Variants in SARAF observed in about 807,000 individuals in gnomAD.
SARAF encodes store-operated calcium entry-associated regulatory factor.
In SARAF, 23 loss-of-function variants were observed where a neutral mutation model predicts 39.7. The observed-to-expected ratio is 0.58, with a 90% CI of 0.42 to 0.82. SARAF has a LOEUF of 0.82. Ranked by LOEUF, SARAF falls within the 40% of genes least tolerant of loss-of-function variation. SARAF has a pLI of 0.00. For missense variants in SARAF, 384 were observed against 418.5 expected, an observed-to-expected ratio of 0.92 and a Z score of 0.72; for synonymous variants, 175 against 168.5, an observed-to-expected ratio of 1.04 and a Z score of -0.30.
At position 30,064,564 on chromosome 8, in the gene SARAF, T is replaced by TTTTTATTTTTTTA. The variant is rs1801638851; in HGVS notation, c.995-652_995-651insTAAAAAAATAAAA. Among the ~76,000 whole-genome samples the TTTTTATTTTTTTA allele has an allele frequency of 5.0e-5, 5 of 99,422 alleles. 1 individual carries two copies. Among genetic ancestry groups the TTTTTATTTTTTTA allele is most frequent in the Non-Finnish European group, 4.1e-5 (2 of 49,252 alleles). 65.2% of individuals were successfully genotyped at this position (99,422 alleles called of 152,430 possible). A position where few individuals can be genotyped will look rare whatever the true frequency, so the allele number is the denominator to read the frequency against. ...ATATATATATATATATATATATATTTTTTTTTTTTTTTTTTGAGACAGAGT... is the reference window on the plus strand; with the variant it reads ...ATATATATATATATATATATATATTTTTTTATTTTTTTATTTTTTTTTTTTTTTGAGACAGAGT... On this transcript the variant is annotated intron_variant, in intron 5 of 5. Coordinates refer to ENST00000256255, the MANE Select transcript of SARAF (RefSeq NM_016127.6).
intron 4 of SARAF, 138 bp downstream of exon 4, chr8:30,066,639 C>T: frequency 9.6e-7 from 1 of 1,036,700 alleles, no homozygotes. Flanking sequence ...GTGTACCTTC[C>T]CCCTTCCCAG....
intron 2 of SARAF, among the ~76,000 whole-genome samples, chr8:30,073,094 T>C (rs1801881529): frequency 6.6e-6 from 1 of 152,102 alleles, no homozygotes; most frequent in African/African-American, 2.4e-5. Context: ...TATTGTGAAG[T>C]AAGTATCACC....
chr8:30,080,732 A>G (rs1802078388), intron 1 of SARAF, among the ~76,000 whole-genome samples: 1 of 152,264 alleles, frequency 6.6e-6, no homozygotes, highest in African/African-American at 2.4e-5. Context: ...TTACTGCTCA[A>G]TGTGAGCTAA....
chr8:30,066,805 T>C lies in SARAF; in HGVS notation c.814A>G (p.Ile272Val). Residue 272 changes from isoleucine (I) to valine (V), a missense_variant, in exon 4 of 6, where the codon ATA (isoleucine) becomes GTA (valine). Ile to Val is a conservative substitution (Grantham distance 29, BLOSUM62 3). Transcript: ENST00000256255. ...TTGCTGCCAAACAAATATCCTAGTA[T>C]TCCACCAGTTCCCAAGCCTGTCCAG... is the stretch of plus-strand genomic sequence containing the variant. ...GFWTGLGTGG[I>V]LGYLFGSNRA... The C allele has an allele frequency of 6.2e-7, 1 of 1,614,192 alleles. No homozygotes were observed. The highest frequency in any genetic ancestry group is 1.1e-5 in the South Asian group (1 of 91,084).
At chr8:30,065,284 G>C (rs1801658264) in intron 5 of SARAF, among the ~76,000 whole-genome samples, 1 of 152,110 alleles carries the variant, frequency 6.6e-6, no homozygotes, top group Non-Finnish European at 1.5e-5. Flanking sequence ...CTGTCCTTTG[G>C]AAGTATGCAT....
chr8:30,066,866 T>C lies in SARAF; in HGVS notation c.753A>G (p.Thr251=), dbSNP rs752503052. Residue 251 remains threonine (T), a synonymous_variant, in exon 4 of 6, where the codon ACA becomes ACG. Coordinates refer to ENST00000256255, the MANE Select transcript of SARAF (RefSeq NM_016127.6). ...GATSGFGSAF[T]GQQGYENSGP... ...CTGAATTTTCATATCCTTGTTGTCC[T>C]GTAAAAGCACTGCCAAAACCAGAAG... 2 of 1,614,198 alleles carry C rather than the reference T, an allele frequency of 1.2e-6. No homozygotes were observed. Among genetic ancestry groups the C allele is most frequent in the Non-Finnish European group, 1.7e-6 (2 of 1,180,026 alleles).
intron 2 of SARAF, among the ~76,000 whole-genome samples, chr8:30,073,155 G>GT (rs1486083716): frequency 6.6e-6 from 1 of 152,172 alleles, no homozygotes; most frequent in Non-Finnish European, 1.5e-5. Flanking sequence ...CATAAAGGTT[G>GT]TATCAAACAA....
Position 30,072,589 on chromosome 8 carries a change from G to A in SARAF, c.282+1288C>T, listed in dbSNP as rs138702851. Among the ~76,000 whole-genome samples, 384 of 152,234 alleles carry A rather than the reference G, an allele frequency of 2.5e-3. 1 individual carries two copies. Among genetic ancestry groups the A allele is most frequent in the African/African-American group, 8.7e-3 (362 of 41,534 alleles). On this transcript the variant is annotated intron_variant, in intron 2 of 5. Transcript: ENST00000256255. ...TTAACTACCACTTCCTTAATCATGC[G>A]TACTTACAAGTAGCTTCTAAGTACT...
Position 30,063,923 on chromosome 8 carries a change from G to GTTC in SARAF, c.995-11_995-10insGAA, listed in dbSNP as rs1801613507. On this transcript the variant is annotated splice_polypyrimidine_tract_variant and intron_variant, in intron 5 of 5. Transcript: ENST00000256255. ...CTGGTACCACCATATCCTAGAATGA[G>GTTC]AGGGGTAAAATTTACATTAGTTTTT... is the stretch of plus-strand genomic sequence containing the variant. 1.3e-6 allele frequency: 2 copies of GTTC among 1,545,280 alleles called. No individual in the cohort carries two copies. Among genetic ancestry groups the GTTC allele is most frequent in the Non-Finnish European group, 8.8e-7 (1 of 1,130,278 alleles).
chr8:30,066,052 A>T lies in SARAF; in HGVS notation c.930T>A (p.Leu310=). ...PGTWNRAYSP[L]HGGSGSYSVC... ...CCGAATAGCTGCCCGAGCCTCCATG[A>T]AGGGGTGAGTAAGCCCTATTCCACG... The change falls in exon 5 of 6, where the codon CTT becomes CTA. Residue 310 remains leucine (L), a synonymous_variant. Coordinates refer to ENST00000256255, the MANE Select transcript of SARAF (RefSeq NM_016127.6). 6.2e-7 allele frequency: 1 copy of T among 1,614,122 alleles called. No individual in the cohort carries two copies. The highest frequency in any genetic ancestry group is 1.1e-5 in the South Asian group (1 of 91,084).
chr8:30,065,290 T>C (rs778591891), intron 5 of SARAF, among the ~76,000 whole-genome samples: 5 of 152,232 alleles, frequency 3.3e-5, no homozygotes, highest in African/African-American at 7.2e-5. Flanking sequence ...TTTGGAAGTA[T>C]GCATAGGTTC....
intron 2 of SARAF, among the ~76,000 whole-genome samples, chr8:30,073,411 C>T (rs1801888644): frequency 6.6e-6 from 1 of 152,210 alleles, no homozygotes; most frequent in Admixed American, 6.5e-5. Flanking sequence ...TGCCGAAATG[C>T]TTCCTTTCAA....
intron 1 of SARAF, among the ~76,000 whole-genome samples, chr8:30,081,173 T>A (rs1316126755): frequency 6.6e-6 from 1 of 152,180 alleles, no homozygotes; most frequent in Non-Finnish European, 1.5e-5. Context: ...TTCCTCAAAG[T>A]AAACTTTGAA....
rs115872418 is a variant in SARAF at position 30,073,201 on chromosome 8, A to G, written c.282+676T>C. The stretch of plus-strand genomic sequence containing the variant: ...CTGATGGAGAGGGGAAATCGTCAAC[A>G]TAAGTTTCTTGCCTTGTGACCAGTC... On this transcript the variant is annotated intron_variant, in intron 2 of 5. Transcript: ENST00000256255. Among the ~76,000 whole-genome samples the G allele has an allele frequency of 7.4e-3, 1,131 of 152,358 alleles. 23 individuals are homozygous for G. The highest frequency in any genetic ancestry group is 0.026 in the African/African-American group (1,075 of 41,586).
chr8:30,082,512 C>G (rs1276224946), intron 1 of SARAF: 1 of 232,540 alleles, frequency 4.3e-6, no homozygotes, highest in Admixed American at 5.8e-5. Flanking sequence ...AACAACAAAG[C>G]AGATGCGCAG....
At chr8:30,067,408 A>C (rs1227893315) in intron 3 of SARAF, among the ~76,000 whole-genome samples, 1 of 152,186 alleles carries the variant, frequency 6.6e-6, no homozygotes, top group Non-Finnish European at 1.5e-5. Context: ...TGATGTATAC[A>C]TATATATAAG....
intron 2 of SARAF, among the ~76,000 whole-genome samples, chr8:30,072,767 T>A (rs946200094): frequency 6.6e-6 from 1 of 152,194 alleles, no homozygotes; most frequent in African/African-American, 2.4e-5. Flanking sequence ...CTAAAAATGT[T>A]ATCATTCCTT....
rs1479274435 is a variant in SARAF at position 30,064,556 on chromosome 8, TA to T, written c.995-644del. On this transcript the variant is annotated intron_variant, in intron 5 of 5. Transcript: ENST00000256255. ...AGCCATATATATATATATATATATA[TA>T]TATATTTTTTTTTTTTTTTTTTGAG... Among the ~76,000 whole-genome samples the T allele has an allele frequency of 6.0e-3, 77 of 12,886 alleles. 1 individual carries two copies. Among genetic ancestry groups the T allele is most frequent in the African/African-American group, 0.012 (48 of 4,162 alleles). 8.5% of individuals were successfully genotyped at this position (12,886 alleles called of 152,430 possible). A position where few individuals can be genotyped will look rare whatever the true frequency, so the allele number is the denominator to read the frequency against.
At chr8:30,068,056 G>C (rs566961797) in intron 3 of SARAF, among the ~76,000 whole-genome samples, 9 of 152,080 alleles carry the variant, frequency 5.9e-5, no homozygotes, top group Non-Finnish European at 1.3e-4. Flanking sequence ...GTTTTCATCT[G>C]CATTTCTCAG....
Sources: gnomAD v4.1 joint callset for allele counts (sites outside exome capture counted in the v4.1 genomes callset) on GRCh38, gnomAD v4.1.1 for gene constraint, MANE v1.5 for transcripts, NCBI Gene and HGNC (gene_info 2026-07-23, HGNC 2026-07-21) for gene names.